Variants in PLD5 observed in about 807,000 individuals in gnomAD.
PLD5 encodes the protein inactive phospholipase D5.
A neutral mutation model predicts 61.1 loss-of-function variants in PLD5; 36 were observed. The observed-to-expected ratio is 0.59, with a 90% CI of 0.45 to 0.78. PLD5 has a LOEUF of 0.78. Ranked by LOEUF, PLD5 falls within the 30% of genes least tolerant of loss-of-function variation. The pLI is 0.00. For missense variants in PLD5, 515 were observed against 644.4 expected, an observed-to-expected ratio of 0.80 and a Z score of 2.17; for synonymous variants, 243 against 242.8, an observed-to-expected ratio of 1.00 and a Z score of -0.01.
chr1:242,120,052 T>A (rs74153352), intron 6 of PLD5, among the ~76,000 whole-genome samples: 1,930 of 152,260 alleles, frequency 0.013, 36 homozygotes, highest in African/African-American at 0.042. Flanking sequence ...AGGCATTATG[T>A]TAGGTGAAAG....
chr1:242,217,554 G>A (rs1269584249), intron 5 of PLD5, among the ~76,000 whole-genome samples: 1 of 151,468 alleles, frequency 6.6e-6, no homozygotes, highest in South Asian at 2.1e-4. Context: ...AACCTGGGAG[G>A]TGGAGGTTGC....
chr1:242,502,366 G>A (rs1450476363), intron 1 of PLD5, among the ~76,000 whole-genome samples: 1 of 152,114 alleles, frequency 6.6e-6, no homozygotes, highest in Non-Finnish European at 1.5e-5. Context: ...AGCCAAGCAC[G>A]CATACTGCCC....
intron 1 of PLD5, among the ~76,000 whole-genome samples, chr1:242,480,778 A>C (rs542758249): frequency 1.3e-5 from 2 of 152,348 alleles, no homozygotes; most frequent in African/African-American, 4.8e-5. Context: ...AGGCAAATGC[A>C]AATTAAAAAC....
chr1:242,293,493 A>G (rs1408011169), intron 2 of PLD5, among the ~76,000 whole-genome samples: 1 of 152,150 alleles, frequency 6.6e-6, no homozygotes, highest in Non-Finnish European at 1.5e-5. Flanking sequence ...TTCTTACTGT[A>G]CCTATTTTAT....
chr1:242,394,989 A>T lies in PLD5; in HGVS notation c.190-46747T>A, dbSNP rs1020838211. ...TATGATTATATATGAATATATATGA[A>T]TATATATGTATATATGAATATATAT... On this transcript the variant is annotated intron_variant, in intron 1 of 9. Coordinates refer to ENST00000536534, the MANE Select transcript of PLD5 (RefSeq NM_001372062.1). Among the ~76,000 whole-genome samples the T allele has an allele frequency of 3.9e-3, 192 of 48,832 alleles. 10 individuals are homozygous for T. The highest frequency in any genetic ancestry group is 0.012 in the African/African-American group (114 of 9,540). The allele number at this position is 48,832 out of a possible 152,430, so 32.0% of individuals were successfully genotyped here.
intron 1 of PLD5, among the ~76,000 whole-genome samples, chr1:242,411,180 ACT>A (rs1664529454): frequency 6.6e-6 from 1 of 151,958 alleles, no homozygotes; most frequent in South Asian, 2.1e-4. Context: ...ATATGAGCTC[ACT>A]CTCTCTCTAC....
intron 1 of PLD5, among the ~76,000 whole-genome samples, chr1:242,382,293 G>A (rs1208435975): frequency 6.6e-6 from 1 of 152,106 alleles, no homozygotes; most frequent in East Asian, 1.9e-4. Context: ...CATTGAACAT[G>A]GCATTTGATA....
upstream of PLD5, among the ~76,000 whole-genome samples, chr1:242,527,114 C>CTTTTTTTTTTTTTTTTTTTTTTTTTTTT (rs530334746): frequency 6.9e-5 from 5 of 71,946 alleles, 1 homozygote; most frequent in Non-Finnish European, 1.0e-4. Context: ...CTATCTCCTT[C>CTTTTTTTTTTTTTTTTTTTTTTTTTTTT]TTTTTTTTTT....
chr1:242,376,519 T>C (rs1032260107), intron 1 of PLD5, among the ~76,000 whole-genome samples: 1 of 152,198 alleles, frequency 6.6e-6, no homozygotes, highest in Non-Finnish European at 1.5e-5. Context: ...TTTTAGCCTG[T>C]AATTAGTTAA....
chr1:242,407,432 C>T (rs1208702188), intron 1 of PLD5, among the ~76,000 whole-genome samples: 2 of 152,110 alleles, frequency 1.3e-5, no homozygotes, highest in Non-Finnish European at 2.9e-5. Context: ...TACAAAAATT[C>T]CTCCTATCCC....
intron 1 of PLD5, among the ~76,000 whole-genome samples, chr1:242,498,546 T>G (rs74150734): frequency 6.6e-6 from 1 of 152,248 alleles, no homozygotes; most frequent in Non-Finnish European, 1.5e-5. Context: ...ATGTTGTTAC[T>G]ATTTCAACTG....
chr1:242,139,794 T>C (rs1399269251), intron 5 of PLD5, among the ~76,000 whole-genome samples: 1 of 152,206 alleles, frequency 6.6e-6, no homozygotes, highest in African/African-American at 2.4e-5. Context: ...ACCTCAGATG[T>C]AGTGCCTGCA....
intron 1 of PLD5, among the ~76,000 whole-genome samples, chr1:242,432,753 A>C (rs1282576380): frequency 6.6e-6 from 1 of 152,172 alleles, no homozygotes; most frequent in African/African-American, 2.4e-5. Context: ...TTTCCCAATT[A>C]GATTTGTGAT....
chr1:242,149,032 A>G (rs1664739779), intron 5 of PLD5, among the ~76,000 whole-genome samples: 1 of 65,034 alleles, frequency 1.5e-5, no homozygotes, highest in South Asian at 4.1e-4. Flanking sequence ...TACACTAGCT[A>G]TGACTTCCAG....
intron 1 of PLD5, among the ~76,000 whole-genome samples, chr1:242,464,575 T>C (rs554280547): frequency 1.3e-5 from 2 of 152,330 alleles, no homozygotes; most frequent in East Asian, 3.9e-4. Flanking sequence ...TATAAAATAG[T>C]ACAGCCACTG....
chr1:242,301,257 T>A (rs1676018168), intron 2 of PLD5, among the ~76,000 whole-genome samples: 1 of 152,172 alleles, frequency 6.6e-6, no homozygotes, highest in Admixed American at 6.5e-5. Context: ...GGATCTCACA[T>A]TAAGCTACAT....
At chr1:242,133,030 C>T (rs1453262170) in intron 5 of PLD5, among the ~76,000 whole-genome samples, 1 of 150,086 alleles carries the variant, frequency 6.7e-6, no homozygotes, top group African/African-American at 2.5e-5. Flanking sequence ...TCTCTTCCCA[C>T]CCCCGCACAC....
chr1:242,465,797 G>C (rs1667260739), intron 1 of PLD5, among the ~76,000 whole-genome samples: 1 of 152,214 alleles, frequency 6.6e-6, no homozygotes, highest in African/African-American at 2.4e-5. Context: ...AGGCATGGTG[G>C]CGGATGCCTG....
chr1:242,215,162 ACAGGTGTGAGCCACCGTGCCCAGC>A lies in PLD5; in HGVS notation c.735+4802_735+4825del, dbSNP rs1376852435. Reference sequence around the variant, plus strand: ...CTCAGCCTCCCAAAGTGCTGGGATTACAGGTGTGAGCCACCGTGCCCAGCCTATACATCTTCTTTTAACTTTTGC... The same window carrying A: ...CTCAGCCTCCCAAAGTGCTGGGATTACTATACATCTTCTTTTAACTTTTGC... On this transcript the variant is annotated intron_variant, in intron 5 of 9. Coordinates refer to ENST00000536534, the MANE Select transcript of PLD5 (RefSeq NM_001372062.1). Among the ~76,000 whole-genome samples, 18 of 150,724 alleles carry A rather than the reference ACAGGTGTGAGCCACCGTGCCCAGC, an allele frequency of 1.2e-4. No homozygotes were observed. In the Admixed American group the frequency reaches 1.2e-3, roughly 10 times the overall value.
Sources: allele counts gnomAD v4.1 joint callset (sites outside exome capture counted in the v4.1 genomes callset), GRCh38; gene constraint gnomAD v4.1.1; transcripts MANE v1.5; gene names NCBI Gene and HGNC (gene_info 2026-07-23, HGNC 2026-07-21).